Variants in PTGS1 observed in about 807,000 individuals in gnomAD.
The protein encoded by PTGS1 is prostaglandin G/H synthase 1.
A neutral mutation model predicts 63.0 loss-of-function variants in PTGS1; 40 were observed. The ratio of observed to expected loss-of-function variants is 0.63; its 90% confidence interval spans 0.49 to 0.83. The LOEUF (loss-of-function observed/expected upper bound fraction) is 0.83, where lower values mean the gene tolerates loss of function less well. PTGS1 is among the 40% of genes least tolerant of loss of function. The probability of loss-of-function intolerance (pLI) is 0.00; values close to 1 mark genes in which losing one functional copy is unlikely to be tolerated. For synonymous variants in PTGS1, 298 were observed against 301.9 expected (o/e 0.99, Z 0.13); for missense variants, 709 against 786.5 (o/e 0.90, Z 1.18).
At chr9:122,376,984 C>A (rs767233625) in intron 2 of PTGS1, among the ~76,000 whole-genome samples, 1 of 152,162 alleles carries the variant, frequency 6.6e-6, no homozygotes, top group Non-Finnish European at 1.5e-5. Context: ...GGCAGCAGGG[C>A]GGATGCCAGA....
At chr9:122,376,801 C>T (rs1837194799) in intron 2 of PTGS1, among the ~76,000 whole-genome samples, 2 of 152,200 alleles carry the variant, frequency 1.3e-5, no homozygotes, top group South Asian at 4.1e-4. Flanking sequence ...GTCCCTGAAC[C>T]TCAGTTTCCT....
chr9:122,391,361 A>G (rs1440586617), intron 10 of PTGS1, among the ~76,000 whole-genome samples: 1 of 58,480 alleles, frequency 1.7e-5, no homozygotes, highest in Non-Finnish European at 2.7e-5. Context: ...ATATATACAT[A>G]TATATATATA....
intron 2 of PTGS1, among the ~76,000 whole-genome samples, chr9:122,376,149 G>A (rs995421442): frequency 3.3e-5 from 5 of 152,252 alleles, no homozygotes; most frequent in South Asian, 2.1e-4. Flanking sequence ...TGGGGGAGGC[G>A]GGGGCTGGGG....
chr9:122,379,678 C>T lies in PTGS1; in HGVS notation c.496+760C>T, dbSNP rs746428675. On this transcript the variant is annotated intron_variant, in intron 5 of 10. Coordinates refer to ENST00000362012, the MANE Select transcript of PTGS1 (RefSeq NM_000962.4). The stretch of plus-strand genomic sequence containing the variant: ...TTTTCCCAAAGCATGACTATTCTAC[C>T]AGGATAGCTGAGTCTTGCCAACTTT... 7.9e-4 allele frequency among the ~76,000 whole-genome samples: 121 copies of T among 152,360 alleles called. 1 individual carries two copies. The highest frequency in any genetic ancestry group is 1.7e-3 in the Non-Finnish European group (114 of 68,038).
chr9:122,388,063 G>A (rs1001761026), intron 9 of PTGS1, among the ~76,000 whole-genome samples: 4 of 152,236 alleles, frequency 2.6e-5, no homozygotes, highest in African/African-American at 4.8e-5. Flanking sequence ...GACATGAACA[G>A]AGACAATAGC....
At chr9:122,383,410 A>G in intron 7 of PTGS1, 99 bp from the exon 8 acceptor site, 1 of 1,490,396 alleles carries the variant, frequency 6.7e-7, no homozygotes, top group Non-Finnish European at 9.0e-7. Context: ...GCCTTGGCTG[A>G]GGGGAACTGG....
rs140474365 is a variant in PTGS1, at chr9:122,387,985, G to A, written c.1296+1253G>A. ...GACTGAAATTAGCATTTGCTGCCCCGGTGGGCAGCTGCTGGCTGCTTTATG... is the reference window on the plus strand; with the variant it reads ...GACTGAAATTAGCATTTGCTGCCCCAGTGGGCAGCTGCTGGCTGCTTTATG... On this transcript the variant is annotated intron_variant, in intron 9 of 10. Coordinates refer to ENST00000362012, the MANE Select transcript of PTGS1 (RefSeq NM_000962.4). 4.6e-3 allele frequency among the ~76,000 whole-genome samples: 708 copies of A among 152,314 alleles called. 3 individuals are homozygous for A. Among genetic ancestry groups the A allele is most frequent in the Non-Finnish European group, 7.6e-3 (520 of 68,032 alleles).
rs1294196498 is a variant in PTGS1, at chr9:122,378,571, C to A, written c.350C>A (p.Thr117Lys). ...GAGATGCTCATGCGCCTGGTACTCA[C>A]AGGTGGGTGTGGGGCAGGGCCCCCT... ...IREMLMRLVL[T>K]VRSNLIPSPP... is the part of the protein sequence containing the mutation. The change falls in exon 4 of 11, where the codon ACA becomes AAA. Residue 117 changes from threonine (T) to lysine (K), a missense_variant and splice_region_variant. Transcript: ENST00000362012. 3 of 1,614,138 alleles carry A rather than the reference C, an allele frequency of 1.9e-6. No homozygotes were observed. The highest frequency in any genetic ancestry group is 1.7e-6 in the Non-Finnish European group (2 of 1,180,052).
intron 2 of PTGS1, chr9:122,372,767 A>G (rs144383563): frequency 6.6e-6 from 1 of 152,248 alleles, no homozygotes; most frequent in Non-Finnish European, 1.5e-5. Flanking sequence ...GGTCTGTGCT[A>G]TTTTGTTTTT....
intron 8 of PTGS1, 121 bp downstream of exon 8, chr9:122,383,876 C>A: frequency 1.5e-6 from 2 of 1,372,620 alleles, no homozygotes; most frequent in Non-Finnish European, 2.0e-6. Context: ...TGCTTAGTGG[C>A]TAGAAGACCT....
At position 122,378,560 on chromosome 9, in the gene PTGS1, C is replaced by T. The variant is rs200663390; in HGVS notation, c.339C>T (p.Arg113=). 4.9e-5 allele frequency: 79 copies of T among 1,614,090 alleles called. No homozygotes were observed. Among genetic ancestry groups the T allele is most frequent in the Non-Finnish European group, 5.5e-5 (65 of 1,180,050 alleles). Reference sequence around the variant, plus strand: ...CCTTCATCCGAGAGATGCTCATGCGCCTGGTACTCACAGGTGGGTGTGGGG... The same window carrying T: ...CCTTCATCCGAGAGATGCTCATGCGTCTGGTACTCACAGGTGGGTGTGGGG... The part of the protein sequence containing the change: ...NATFIREMLM[R]LVLTVRSNLI... The change falls in exon 4 of 11, where the codon CGC becomes CGT. Residue 113 remains arginine (R), a synonymous_variant. Coordinates refer to ENST00000362012, the MANE Select transcript of PTGS1 (RefSeq NM_000962.4).
chr9:122,385,337 A>G (rs1588135367), intron 8 of PTGS1, among the ~76,000 whole-genome samples: 1 of 152,150 alleles, frequency 6.6e-6, no homozygotes, highest in African/African-American at 2.4e-5. Context: ...GCCCAAGCTC[A>G]GGTGGCTGGA....
At position 122,377,362 on chromosome 9, in the gene PTGS1, A is replaced by G. The variant is rs1056966776; in HGVS notation, c.95-537A>G. Among the ~76,000 whole-genome samples, 4 of 151,948 alleles carry G rather than the reference A, an allele frequency of 2.6e-5. No homozygotes were observed. The South Asian group carries it at 8.3e-4, about 32-fold the overall frequency. On this transcript the variant is annotated intron_variant, in intron 2 of 10. Coordinates refer to ENST00000362012, the MANE Select transcript of PTGS1 (RefSeq NM_000962.4). ...GACATTATGATACCTGCTCTTCTCT[A>G]CCTTCTGCAGAAATGGAGGAATGGT...
chr9:122,370,649 C>G (rs1836746728), upstream of PTGS1: 1 of 275,552 alleles, frequency 3.6e-6, no homozygotes, highest in African/African-American at 2.2e-5. Context: ...CTACCCTTTT[C>G]TGTAGAGTGC....
At chr9:122,374,694 T>C (rs1006010735) in intron 2 of PTGS1, among the ~76,000 whole-genome samples, 9 of 152,136 alleles carry the variant, frequency 5.9e-5, no homozygotes, top group Non-Finnish European at 1.0e-4. Flanking sequence ...GAGATGGTGA[T>C]CCCCCTGGGG....
In PTGS1 at chr9:122,380,464, C is replaced by CA. The variant is rs1212366547; in HGVS notation, c.497-902dup. Among the ~76,000 whole-genome samples, 1,148 of 135,996 alleles carry CA rather than the reference C, an allele frequency of 8.4e-3. 22 individuals are homozygous for CA. Among genetic ancestry groups the CA allele is most frequent in the African/African-American group, 0.032 (1,095 of 34,224 alleles). The allele number at this position is 135,996 out of a possible 152,430, so 89.2% of individuals were successfully genotyped here. A position where few individuals can be genotyped will look rare whatever the true frequency, so the allele number is the denominator to read the frequency against. On this transcript the variant is annotated intron_variant, in intron 5 of 10. Coordinates refer to ENST00000362012, the MANE Select transcript of PTGS1 (RefSeq NM_000962.4). The stretch of plus-strand genomic sequence containing the variant: ...TGGGCAATAGAGTGAGACCCTGTCT[C>CA]AAAAATAAATAAATAAATAAATAAA...
chr9:122,395,216 C>G lies in PTGS1; in HGVS notation c.*2672C>G, dbSNP rs1838511239. The G allele has an allele frequency of 6.6e-6, 1 of 152,152 alleles. No homozygotes were observed. Among genetic ancestry groups the G allele is most frequent in the Non-Finnish European group, 1.5e-5 (1 of 68,020 alleles). 9.4% of individuals were successfully genotyped at this position (152,152 alleles called of 1,614,324 possible). On this transcript the variant is annotated 3_prime_UTR_variant, in exon 11 of 11. Transcript: ENST00000362012. The stretch of plus-strand genomic sequence containing the variant: ...AAGTGCCTAGATTAGGTAGACTTTG[C>G]TTAGTATTGACAACTGCACATGAAA...
rs772498092 is a variant in PTGS1, at chr9:122,391,347, CTATATATATACATA to C, written c.1445-805_1445-792del. ...ATATATATGTGTGTGTATATATATA[CTATATATATACATA>C]TATATATATACATATATATATATAC... On this transcript the variant is annotated intron_variant, in intron 10 of 10. Transcript: ENST00000362012. Among the ~76,000 whole-genome samples the C allele has an allele frequency of 9.6e-3, 1,056 of 109,446 alleles. 15 individuals are homozygous for C. Among genetic ancestry groups the C allele is most frequent in the African/African-American group, 0.028 (757 of 27,462 alleles). The allele number at this position is 109,446 out of a possible 152,430, so 71.8% of individuals were successfully genotyped here.
At chr9:122,377,056 C>T (rs1837210794) in intron 2 of PTGS1, among the ~76,000 whole-genome samples, 1 of 152,186 alleles carries the variant, frequency 6.6e-6, no homozygotes, top group Non-Finnish European at 1.5e-5. Context: ...TGGTCTGTGA[C>T]CTTCTTCTGG....
Sources: allele counts gnomAD v4.1 joint callset (sites outside exome capture counted in the v4.1 genomes callset), GRCh38; gene constraint gnomAD v4.1.1; transcripts MANE v1.5; gene names NCBI Gene and HGNC (gene_info 2026-07-23, HGNC 2026-07-21).